The following MOXD1 variants were observed in gnomAD, a reference collection of about 807,000 sequenced individuals.
MOXD1 encodes the protein DBH-like monooxygenase protein 1.
Under a neutral mutation model 66.6 loss-of-function variants are expected in MOXD1, and 62 were observed. The observed-to-expected ratio is 0.93, with a 90% CI of 0.76 to 1.15. The LOEUF is 1.15. MOXD1 is among the 50% of genes most tolerant of loss of function. MOXD1 has a pLI of 0.00. For synonymous variants in MOXD1, 303 were observed against 281.9 expected (o/e 1.07, Z -0.75); for missense variants, 847 against 754.6 (o/e 1.12, Z -1.44).
chr6:132,344,699 C>T (rs1775634508), intron 4 of MOXD1, among the ~76,000 whole-genome samples: 1 of 151,950 alleles, frequency 6.6e-6, no homozygotes. Context: ...TTATTTTAGC[C>T]TTTTTTGCAT....
intron 4 of MOXD1, among the ~76,000 whole-genome samples, chr6:132,352,824 G>T (rs1007994857): frequency 6.6e-6 from 1 of 152,118 alleles, no homozygotes; most frequent in African/African-American, 2.4e-5. Flanking sequence ...AATGTTACGT[G>T]CATGTATGTT....
intron 1 of MOXD1, among the ~76,000 whole-genome samples, chr6:132,399,794 A>C (rs73780064): frequency 0.095 from 14,460 of 152,252 alleles, 1,034 homozygotes; most frequent in African/African-American, 0.2. Flanking sequence ...AAAACGTTAA[A>C]TAGGTATTTA....
chr6:132,300,224 G>A (rs530106025), intron 10 of MOXD1, among the ~76,000 whole-genome samples: 1 of 152,068 alleles, frequency 6.6e-6, no homozygotes, highest in South Asian at 2.1e-4. Context: ...AACATACCTA[G>A]CAATGGCCTA....
At position 132,352,457 on chromosome 6, in the gene MOXD1, G is replaced by A. The variant is rs1582589216; in HGVS notation, c.663+20151C>T. 2.0e-5 allele frequency among the ~76,000 whole-genome samples: 3 copies of A among 152,162 alleles called. No individual in the cohort carries two copies. In the South Asian group the frequency reaches 6.2e-4, roughly 31 times the overall value. On this transcript the variant is annotated intron_variant, in intron 4 of 11. Transcript: ENST00000367963. ...TGCATAGTTTTGAAGGTTCTGTTTA[G>A]AGTTGATTTCTAGTTTTATTCCACT...
At chr6:132,375,294 T>G (rs1205898669) in intron 1 of MOXD1, among the ~76,000 whole-genome samples, 1 of 152,216 alleles carries the variant, frequency 6.6e-6, no homozygotes, top group Non-Finnish European at 1.5e-5. Flanking sequence ...TGGCATATCC[T>G]TATTAAAATA....
intron 10 of MOXD1, among the ~76,000 whole-genome samples, chr6:132,298,174 A>C (rs375216468): frequency 1.3e-5 from 2 of 152,082 alleles, no homozygotes; most frequent in African/African-American, 4.8e-5. Flanking sequence ...GATTGGCATT[A>C]ATTTTATTTT....
chr6:132,310,491 T>C lies in MOXD1; in HGVS notation c.1508+5144A>G, dbSNP rs1774804117. Among the ~76,000 whole-genome samples the C allele has an allele frequency of 3.3e-5, 5 of 152,242 alleles. No individual in the cohort carries two copies. In the South Asian group the frequency reaches 1.0e-3, roughly 32 times the overall value. Reference sequence around the variant, plus strand: ...ACCATTTGACCCAGCAATATCCCATTCTTGGTATATACCCAAAAGAATATA... The same window carrying C: ...ACCATTTGACCCAGCAATATCCCATCCTTGGTATATACCCAAAAGAATATA... On this transcript the variant is annotated intron_variant, in intron 10 of 11. Coordinates refer to ENST00000367963, the MANE Select transcript of MOXD1 (RefSeq NM_015529.4).
chr6:132,372,861 G>T lies in MOXD1; in HGVS notation c.548C>A (p.Ala183Asp), dbSNP rs1479482537. ...ATTTACCAGATCAAAGTATGGTAAG[G>T]CTGTAGATAGCACACTAGTTTTCTC... ...NPEKTSVLST[A>D]LPYFDLVNQD... The change falls in exon 3 of 12, where the codon GCC becomes GAC. Residue 183 changes from alanine to aspartate, a missense_variant. By Grantham distance (126) the Ala-to-Asp change is moderately radical. Transcript: ENST00000367963. 6.2e-7 allele frequency: 1 copy of T among 1,613,986 alleles called. No homozygotes were observed. The highest frequency in any genetic ancestry group is 8.5e-7 in the Non-Finnish European group (1 of 1,179,922).
At chr6:132,382,680 G>A (rs1409079782) in intron 1 of MOXD1, among the ~76,000 whole-genome samples, 4 of 151,952 alleles carry the variant, frequency 2.6e-5, no homozygotes, top group African/African-American at 9.7e-5. Flanking sequence ...TGAACACTTC[G>A]TGCTTTGAAA....
chr6:132,329,048 T>G (rs1407280305), intron 4 of MOXD1, among the ~76,000 whole-genome samples: 2 of 152,092 alleles, frequency 1.3e-5, no homozygotes, highest in African/African-American at 2.4e-5. Context: ...ATGTGCCATG[T>G]TGGTTTGCTG....
intron 4 of MOXD1, among the ~76,000 whole-genome samples, chr6:132,329,326 A>T (rs1211586939): frequency 6.6e-6 from 1 of 152,184 alleles, no homozygotes; most frequent in Non-Finnish European, 1.5e-5. Flanking sequence ...GCTGCATAGT[A>T]TTCCATGGTG....
chr6:132,392,177 A>G, intron 1 of MOXD1: 2 of 1,563,394 alleles, frequency 1.3e-6, no homozygotes, highest in Non-Finnish European at 1.7e-6. Flanking sequence ...AAGAATGCTC[A>G]CTGTTTTCTG....
rs200023664 is a variant in MOXD1, at chr6:132,390,753, C to T, written c.264+10410G>A. 3 of 151,446 alleles carry T rather than the reference C, an allele frequency of 2.0e-5. No homozygotes were observed. In the East Asian group the frequency reaches 5.8e-4, roughly 29 times the overall value. 9.4% of individuals were successfully genotyped at this position (151,446 alleles called of 1,614,324 possible). ...TGAGAGTAATAAGATATTGACCTCA[C>T]AGGACTATCACGAGAATTGCATGAG... is the stretch of plus-strand genomic sequence containing the variant. On this transcript the variant is annotated intron_variant, in intron 1 of 11. Transcript: ENST00000367963.
intron 10 of MOXD1, among the ~76,000 whole-genome samples, chr6:132,309,388 A>G (rs1774772220): frequency 6.6e-6 from 1 of 152,236 alleles, no homozygotes; most frequent in Admixed American, 6.5e-5. Flanking sequence ...AATAAATGGA[A>G]AAACATTCCA....
intron 4 of MOXD1, among the ~76,000 whole-genome samples, chr6:132,348,435 G>T (rs1360880381): frequency 6.6e-6 from 1 of 152,110 alleles, no homozygotes; most frequent in Non-Finnish European, 1.5e-5. Flanking sequence ...GATCAAGGTG[G>T]GTCCCAAGGA....
chr6:132,334,817 G>A (rs1775402924), intron 4 of MOXD1, among the ~76,000 whole-genome samples: 1 of 152,038 alleles, frequency 6.6e-6, no homozygotes, highest in Admixed American at 6.6e-5. Context: ...TAAATATCAG[G>A]AACCCATTTT....
intron 6 of MOXD1, 63 bp downstream of exon 6, chr6:132,327,950 G>T: frequency 7.6e-7 from 1 of 1,318,144 alleles, no homozygotes; most frequent in South Asian, 1.2e-5. Context: ...CTCTGTTAAA[G>T]ACTTACAAGG....
In MOXD1 at chr6:132,387,327, C is replaced by A. The variant is rs567511691; in HGVS notation, c.265-12550G>T. 3.7e-4 allele frequency among the ~76,000 whole-genome samples: 56 copies of A among 151,504 alleles called. 4 individuals are homozygous for A. Among genetic ancestry groups the A allele is most frequent in the Non-Finnish European group, 7.7e-4 (52 of 67,696 alleles). On this transcript the variant is annotated intron_variant, in intron 1 of 11. Transcript: ENST00000367963. The stretch of plus-strand genomic sequence containing the variant: ...TTTTATACTGTGTACATGCACAGAT[C>A]ATTTTTTAACAGAGTTGTTGAACTT...
intron 1 of MOXD1, among the ~76,000 whole-genome samples, chr6:132,399,674 A>G (rs1200147906): frequency 1.3e-5 from 2 of 152,228 alleles, no homozygotes; most frequent in African/African-American, 4.8e-5. Context: ...AGTATGTCCC[A>G]TTTTATAATA....
Sources: allele counts gnomAD v4.1 joint callset (sites outside exome capture counted in the v4.1 genomes callset), GRCh38; gene constraint gnomAD v4.1.1; transcripts MANE v1.5; gene names NCBI Gene and HGNC (gene_info 2026-07-23, HGNC 2026-07-21).